WDFY3: variants seen among roughly 807,000 people sequenced by gnomAD.
The protein encoded by WDFY3 is WD repeat and FYVE domain containing 3, also known as WD repeat and FYVE domain-containing protein 3.
Under a neutral mutation model 409.6 loss-of-function variants are expected in WDFY3, and 66 were observed. That is an observed-to-expected ratio of 0.16 (90% CI 0.13 to 0.20). WDFY3 has a LOEUF of 0.20. WDFY3 is among the 10% of genes least tolerant of loss of function. The pLI, the probability that WDFY3 is intolerant of heterozygous loss-of-function variation, is 1.00. For synonymous variants in WDFY3, 1,521 were observed against 1,537.1 expected (o/e 0.99, Z 0.25); for missense variants, 3,031 against 4,298.1 (o/e 0.71, Z 8.24).
intron 12 of WDFY3, among the ~76,000 whole-genome samples, chr4:84,818,416 A>G (rs1167943096): frequency 6.6e-6 from 1 of 152,146 alleles, no homozygotes; most frequent in East Asian, 1.9e-4. Context: ...TTTATAACAA[A>G]CAGTCTTACT....
At chr4:84,733,233 C>A in intron 44 of WDFY3, 149 bp downstream of exon 44, 1 of 892,128 alleles carries the variant, frequency 1.1e-6, no homozygotes, top group South Asian at 1.7e-5. Context: ...TTTCACTCCA[C>A]CTCCACTCTG....
At chr4:84,888,271 G>A (rs1764483798) in intron 3 of WDFY3, among the ~76,000 whole-genome samples, 1 of 152,164 alleles carries the variant, frequency 6.6e-6, no homozygotes. Context: ...TAGTCATGGT[G>A]GCTCGTGCCT....
intron 55 of WDFY3, among the ~76,000 whole-genome samples, chr4:84,702,734 C>A (rs1731247369): frequency 6.6e-6 from 1 of 152,154 alleles, no homozygotes; most frequent in South Asian, 2.1e-4. Flanking sequence ...AAACTGAAAT[C>A]CAAATGTAAA....
chr4:84,702,462 G>T lies in WDFY3; in HGVS notation c.8487C>A (p.Arg2829=). The T allele has an allele frequency of 6.2e-7, 1 of 1,613,504 alleles. No individual in the cohort carries two copies. Among genetic ancestry groups the T allele is most frequent in the South Asian group, 1.1e-5 (1 of 90,996 alleles). ...GCTTTGACGCTGAATACCAGGCCTC[G>T]CGCACACTGTGAAACATCCGGTCAG... ...DLADRMFHSV[R]EAWYSASKHN... The change falls in exon 56 of 68, where the codon CGC becomes CGA. Residue 2829 remains arginine (R), a synonymous_variant. Coordinates refer to ENST00000295888, the MANE Select transcript of WDFY3 (RefSeq NM_014991.6).
At chr4:84,755,620 G>C (rs1741301298) in intron 33 of WDFY3, among the ~76,000 whole-genome samples, 1 of 152,062 alleles carries the variant, frequency 6.6e-6, no homozygotes, top group Non-Finnish European at 1.5e-5. Flanking sequence ...TCTGCATTCT[G>C]CCTTAGGTAC....
chr4:84,807,263 T>A (rs1464697187), intron 15 of WDFY3, among the ~76,000 whole-genome samples: 2 of 152,150 alleles, frequency 1.3e-5, no homozygotes, highest in African/African-American at 4.8e-5. Flanking sequence ...GAAATTGCAG[T>A]TTTTAAGCAC....
At chr4:84,779,476 A>C (rs974564139) in intron 26 of WDFY3, among the ~76,000 whole-genome samples, 2 of 151,560 alleles carry the variant, frequency 1.3e-5, no homozygotes, top group Admixed American at 6.6e-5. Context: ...GCAATGGCGC[A>C]ATCTCGGCTT....
rs1221516015 is a variant in WDFY3 at position 84,684,103 on chromosome 4, C to G, written c.9566G>C (p.Gly3189Ala). The G allele has an allele frequency of 6.3e-7, 1 of 1,599,684 alleles. No individual in the cohort carries two copies. Among genetic ancestry groups the G allele is most frequent in the Admixed American group, 1.7e-5 (1 of 59,646 alleles). ...ELTGDIVSCA[G>A]TYIHVWSING... is the part of the protein sequence containing the mutation. ...GATGCTCCACACATGGATATATGTGCCAGCGCAGGACACAATGTCCCCCTG... is the reference window on the plus strand; with the variant it reads ...GATGCTCCACACATGGATATATGTGGCAGCGCAGGACACAATGTCCCCCTG... The change falls in exon 63 of 68, where the codon GGC becomes GCC. Residue 3189 changes from glycine to alanine, a missense_variant. Coordinates refer to ENST00000295888, the MANE Select transcript of WDFY3 (RefSeq NM_014991.6).
At chr4:84,905,266 G>A (rs1474043468) in intron 2 of WDFY3, among the ~76,000 whole-genome samples, 1 of 152,216 alleles carries the variant, frequency 6.6e-6, no homozygotes, top group Non-Finnish European at 1.5e-5. Context: ...AACTCGGGAG[G>A]TGGAGGTTGC....
rs532530307 is a variant in WDFY3, at chr4:84,740,486, G to A, written c.6235-70C>T. 8.1e-6 allele frequency: 12 copies of A among 1,483,030 alleles called. No individual in the cohort carries two copies. The South Asian group carries it at 1.2e-4, about 14-fold the overall frequency. 91.9% of individuals were successfully genotyped at this position (1,483,030 alleles called of 1,614,324 possible). ...AAACACCTGTTAATCATTCATACATGAACTTTTATTAGGTCTATTATATAC... is the reference window on the plus strand; with the variant it reads ...AAACACCTGTTAATCATTCATACATAAACTTTTATTAGGTCTATTATATAC... On this transcript the variant is annotated intron_variant, in intron 38 of 67. Transcript: ENST00000295888.
intron 4 of WDFY3, among the ~76,000 whole-genome samples, chr4:84,850,528 G>T (rs188432481): frequency 6.6e-6 from 1 of 152,196 alleles, no homozygotes; most frequent in African/African-American, 2.4e-5. Context: ...TGTTGGCCTG[G>T]CTAGTCTTGA....
Position 84,809,701 on chromosome 4 carries a change from C to CTA in WDFY3, c.2345+184_2345+185dup. ...TACAAATAGTACACAGGCTTCCATG[C>CTA]TAAAAAAAAAAAAAAACAATACCAG... On this transcript the variant is annotated intron_variant, in intron 14 of 67. Transcript: ENST00000295888. The CTA allele has an allele frequency of 5.9e-6, 3 of 512,552 alleles. No homozygotes were observed. In the South Asian group the frequency reaches 8.8e-5, roughly 15 times the overall value. 31.8% of individuals were successfully genotyped at this position (512,552 alleles called of 1,614,324 possible). A position where few individuals can be genotyped will look rare whatever the true frequency, so the allele number is the denominator to read the frequency against.
chr4:84,799,336 ATAT>A (rs1750079537), intron 17 of WDFY3, among the ~76,000 whole-genome samples: 1 of 93,522 alleles, frequency 1.1e-5, no homozygotes. Context: ...ATATATATAT[ATAT>A]TTTTTTTTTT....
intron 3 of WDFY3, among the ~76,000 whole-genome samples, chr4:84,867,739 A>G (rs534259466): frequency 2.0e-5 from 3 of 152,252 alleles, no homozygotes; most frequent in Non-Finnish European, 4.4e-5. Context: ...GCGTTTGAGT[A>G]GCTCTGCTGA....
At chr4:84,686,031 C>T (rs1422593422) in intron 62 of WDFY3, among the ~76,000 whole-genome samples, 1 of 152,152 alleles carries the variant, frequency 6.6e-6, no homozygotes, top group Non-Finnish European at 1.5e-5. Context: ...GTTCTGAAAA[C>T]CTCTTAAACC....
intron 3 of WDFY3, among the ~76,000 whole-genome samples, chr4:84,879,918 T>G (rs1229347210): frequency 6.6e-6 from 1 of 152,174 alleles, no homozygotes; most frequent in Non-Finnish European, 1.5e-5. Context: ...CAAATTAACA[T>G]AACAACGAGT....
rs747938484 is a variant in WDFY3, at chr4:84,672,917, T to C, written c.10532A>G (p.Tyr3511Cys). The C allele has an allele frequency of 1.1e-5, 18 of 1,613,984 alleles. No homozygotes were observed. Among genetic ancestry groups the C allele is most frequent in the Admixed American group, 3.3e-5 (2 of 60,008 alleles). Reference protein sequence around the residue: ...SPVRVCQNCYYNLQHERGSED... With the variant: ...SPVRVCQNCYCNLQHERGSED... Reference sequence around the variant, plus strand: ...TGAACCTCTCTCATGCTGTAAGTTATAATAACAGTTCTGACAAACACGCAC... The same window carrying C: ...TGAACCTCTCTCATGCTGTAAGTTACAATAACAGTTCTGACAAACACGCAC... Residue 3511 changes from tyrosine (Y) to cysteine (C), a missense_variant, in exon 68 of 68, where the codon TAT becomes TGT. Tyr to Cys is a radical substitution (Grantham distance 194, BLOSUM62 -2). Transcript: ENST00000295888.
chr4:84,773,032 G>C, intron 29 of WDFY3, 103 bp from the exon 30 acceptor site: 20 of 770,986 alleles, frequency 2.6e-5, no homozygotes, highest in East Asian at 3.7e-5. Flanking sequence ...AACCAAAACA[G>C]TACTTTTTTT....
intron 1 of WDFY3, among the ~76,000 whole-genome samples, chr4:84,949,262 C>T (rs1466490627): frequency 6.6e-6 from 1 of 151,850 alleles, no homozygotes; most frequent in Non-Finnish European, 1.5e-5. Flanking sequence ...AGAAAATATA[C>T]AAAAGAAAAA....
Sources: allele counts gnomAD v4.1 joint callset (sites outside exome capture counted in the v4.1 genomes callset), GRCh38; gene constraint gnomAD v4.1.1; transcripts MANE v1.5; gene names NCBI Gene and HGNC (gene_info 2026-07-23, HGNC 2026-07-21).